The following PALM2AKAP2 variants were observed in gnomAD, a reference collection of about 807,000 sequenced individuals.
PALM2AKAP2 encodes the protein PALM2-AKAP2 fusion protein.
In PALM2AKAP2, 37 loss-of-function variants were observed where a neutral mutation model predicts 71.5. The ratio of observed to expected loss-of-function variants is 0.52; its 90% CI spans 0.40 to 0.68. The LOEUF (loss-of-function observed/expected upper bound fraction) is 0.68. Among genes scored for constraint, PALM2AKAP2 ranks in the 30% least tolerant of loss-of-function variants. The pLI is 0.00. For missense variants in PALM2AKAP2, 1,224 were observed against 1,191.8 expected (o/e 1.03, Z -0.40); for synonymous variants, 468 against 478.8 (o/e 0.98, Z 0.29).
intron 2 of PALM2AKAP2, among the ~76,000 whole-genome samples, chr9:110,143,249 T>TAAAAA (rs75810628): frequency 7.9e-6 from 1 of 126,940 alleles, no homozygotes. Flanking sequence ...CCCCATCTCT[T>TAAAAA]AAAAAAAAAA....
intron 1 of PALM2AKAP2, among the ~76,000 whole-genome samples, chr9:109,647,909 C>A (rs1373007342): frequency 6.6e-6 from 1 of 152,010 alleles, no homozygotes; most frequent in Non-Finnish European, 1.5e-5. Context: ...GTCACTTAGC[C>A]CCCCTTTTAC....
At chr9:109,837,428 C>T (rs1228982248) in intron 1 of PALM2AKAP2, among the ~76,000 whole-genome samples, 1 of 152,132 alleles carries the variant, frequency 6.6e-6, no homozygotes, top group East Asian at 1.9e-4. Flanking sequence ...AAAAACATGC[C>T]AAATTGTAAA....
intron 1 of PALM2AKAP2, among the ~76,000 whole-genome samples, chr9:109,649,728 G>A (rs1827200285): frequency 6.6e-6 from 1 of 152,120 alleles, no homozygotes; most frequent in African/African-American, 2.4e-5. Context: ...CCTACTATTT[G>A]CCCAAGAATA....
chr9:109,963,460 A>C (rs1209210248), intron 6 of PALM2AKAP2, among the ~76,000 whole-genome samples: 1 of 152,208 alleles, frequency 6.6e-6, no homozygotes, highest in Non-Finnish European at 1.5e-5. Context: ...AAAAGACTGC[A>C]AGATCTAGCC....
intron 1 of PALM2AKAP2, among the ~76,000 whole-genome samples, chr9:109,751,595 G>C (rs1447837101): frequency 1.3e-5 from 2 of 152,140 alleles, no homozygotes; most frequent in African/African-American, 4.8e-5. Context: ...GCTTTTCCTA[G>C]CTCGTTCTTC....
At chr9:110,062,636 C>CA (rs1261664855) in intron 1 of PALM2AKAP2, among the ~76,000 whole-genome samples, 1 of 152,188 alleles carries the variant, frequency 6.6e-6, no homozygotes, top group Non-Finnish European at 1.5e-5. Context: ...AGTGGTCCAT[C>CA]CAACACCTAT....
At chr9:109,686,399 G>T (rs566764710) in intron 1 of PALM2AKAP2, among the ~76,000 whole-genome samples, 1 of 152,342 alleles carries the variant, frequency 6.6e-6, no homozygotes, top group Admixed American at 6.5e-5. Flanking sequence ...TCCATGGGCT[G>T]CAGAATGCAC....
intron 2 of PALM2AKAP2, among the ~76,000 whole-genome samples, chr9:109,873,896 C>T (rs1381374673): frequency 6.6e-6 from 1 of 152,112 alleles, no homozygotes; most frequent in Non-Finnish European, 1.5e-5. Context: ...GATCCCAGTA[C>T]TTGGGAGGCT....
intron 2 of PALM2AKAP2, among the ~76,000 whole-genome samples, chr9:109,869,359 C>T (rs933021627): frequency 6.6e-6 from 1 of 152,074 alleles, no homozygotes; most frequent in Non-Finnish European, 1.5e-5. Flanking sequence ...GATGGAGTCT[C>T]GCTCTGTCGC....
At chr9:109,996,753 A>G (rs1190779805) in intron 6 of PALM2AKAP2, among the ~76,000 whole-genome samples, 1 of 152,258 alleles carries the variant, frequency 6.6e-6, no homozygotes, top group Non-Finnish European at 1.5e-5. Context: ...TTGCAGCTTC[A>G]TGCCCAGATA....
At chr9:109,770,491 A>G (rs1829243484) in intron 1 of PALM2AKAP2, among the ~76,000 whole-genome samples, 1 of 152,252 alleles carries the variant, frequency 6.6e-6, no homozygotes, top group African/African-American at 2.4e-5. Flanking sequence ...ACAGTAGAAC[A>G]CTTTATACTT....
chr9:109,917,578 T>C (rs1346963376), intron 3 of PALM2AKAP2, among the ~76,000 whole-genome samples: 1 of 145,494 alleles, frequency 6.9e-6, no homozygotes, highest in African/African-American at 2.5e-5. Flanking sequence ...AGTCTTGAAC[T>C]CCTGGGCTCA....
In PALM2AKAP2 at chr9:109,665,213, A is replaced by C. The variant is rs534445121; in HGVS notation, c.5+24347A>C. On this transcript the variant is annotated intron_variant, in intron 1 of 6. Transcript: ENST00000374531. ...AACTCGTCAAAGTCATTCTCCGTCC[A>C]TCTTTGTTCCATTGCTGGCAAGTAC... Among the ~76,000 whole-genome samples the C allele has an allele frequency of 3.3e-5, 5 of 152,254 alleles. No individual in the cohort carries two copies. The East Asian group carries it at 9.7e-4, about 29-fold the overall frequency.
chr9:110,166,947 G>T (rs1836750970), intron 3 of PALM2AKAP2, among the ~76,000 whole-genome samples: 1 of 152,176 alleles, frequency 6.6e-6, no homozygotes, highest in Non-Finnish European at 1.5e-5. Context: ...AGAAAAAGAG[G>T]TTTAATGGAC....
chr9:109,895,454 C>T (rs949288283), intron 3 of PALM2AKAP2, among the ~76,000 whole-genome samples: 1 of 152,170 alleles, frequency 6.6e-6, no homozygotes, highest in Non-Finnish European at 1.5e-5. Flanking sequence ...TCTCTCGGGA[C>T]ATCCTAAGAA....
upstream of PALM2AKAP2, chr9:110,048,561 G>C (rs1483234929): frequency 8.3e-6 from 7 of 838,854 alleles, no homozygotes; most frequent in African/African-American, 1.8e-5. Flanking sequence ...TAGATGGGGA[G>C]GGGAGGGGAG....
exon 4 of PALM2AKAP2, chr9:109,923,820 A>T: frequency 6.3e-7 from 1 of 1,599,490 alleles, no homozygotes; most frequent in East Asian, 2.2e-5. Context: ...ACTGAAGGAA[A>T]CAGAAAAATC....
intron 3 of PALM2AKAP2, among the ~76,000 whole-genome samples, chr9:109,889,269 T>C (rs1830035210): frequency 6.6e-6 from 1 of 152,216 alleles, no homozygotes. Context: ...TTTATGACAG[T>C]TCATAAAACC....
At chr9:110,080,926 C>T (rs982342833) in intron 1 of PALM2AKAP2, among the ~76,000 whole-genome samples, 2 of 152,204 alleles carry the variant, frequency 1.3e-5, no homozygotes, top group African/African-American at 2.4e-5. Flanking sequence ...GTGATCCACC[C>T]GCCTTGGGCC....
Sources: gnomAD v4.1 joint callset for allele counts (sites outside exome capture counted in the v4.1 genomes callset) on GRCh38, gnomAD v4.1.1 for gene constraint, MANE v1.5 for transcripts, NCBI Gene and HGNC (gene_info 2026-07-23, HGNC 2026-07-21) for gene names.